Variants in ATP2A2 observed in about 807,000 individuals in gnomAD.
ATP2A2 encodes ATPase sarcoplasmic/endoplasmic reticulum Ca2+ transporting 2.
A neutral mutation model predicts 109.3 loss-of-function variants in ATP2A2; 14 were observed. The observed-to-expected ratio is 0.13, with a 90% CI of 0.08 to 0.20. The LOEUF (loss-of-function observed/expected upper bound fraction) is 0.20, where lower values mean the gene tolerates loss of function less well. Ranked by LOEUF, ATP2A2 falls within the 10% of genes least tolerant of loss-of-function variation. The pLI is 1.00. For synonymous variants in ATP2A2, 506 were observed against 490.9 expected (o/e 1.03, Z -0.41); for missense variants, 657 against 1,321.6 (o/e 0.50, Z 7.80).
At position 110,340,513 on chromosome 12, in the gene ATP2A2, G is replaced by A. The variant is rs931797784; in HGVS notation, c.1762-146G>A. 1.1e-6 allele frequency: 1 copy of A among 899,008 alleles called. No homozygotes were observed. The highest frequency in any genetic ancestry group is 1.7e-5 in the African/African-American group (1 of 59,278). 55.7% of individuals were successfully genotyped at this position (899,008 alleles called of 1,614,324 possible). A position where few individuals can be genotyped will look rare whatever the true frequency, so the allele number is the denominator to read the frequency against. On this transcript the variant is annotated intron_variant, in intron 13 of 19. Coordinates refer to ENST00000539276, the MANE Select transcript of ATP2A2 (RefSeq NM_170665.4). The surrounding 1 kb of genome is among the most constrained non-coding windows in gnomAD (Gnocchi z 6.0). The stretch of plus-strand genomic sequence containing the variant: ...AGATTGCGCCATGGCACTCCAGCCT[G>A]GGCAACAAGAGCGAAACTCCGCCTC...
intron 10 of ATP2A2, 105 bp from the exon 11 acceptor site, chr12:110,333,901 CAGTGTT>C (rs1370886440): frequency 6.9e-7 from 1 of 1,446,254 alleles, no homozygotes; most frequent in Non-Finnish European, 9.6e-7. Flanking sequence ...AATGGCCTTA[CAGTGTT>C]GTAATAGAGG....
intron 5 of ATP2A2, among the ~76,000 whole-genome samples, chr12:110,302,285 TCCCTGGC>T (rs1874742977): frequency 6.6e-6 from 1 of 152,080 alleles, no homozygotes; most frequent in Admixed American, 6.6e-5. Context: ...GTTCCCCTCT[TCCCTGGC>T]CCCTGGCAAC....
intron 5 of ATP2A2, among the ~76,000 whole-genome samples, chr12:110,317,640 A>G (rs1876810047): frequency 6.6e-6 from 1 of 152,192 alleles, no homozygotes; most frequent in African/African-American, 2.4e-5. Flanking sequence ...GGCCTCCCAA[A>G]GTGCTGGGAT....
At chr12:110,294,236 G>C (rs1294779290) in intron 4 of ATP2A2, among the ~76,000 whole-genome samples, 1 of 151,950 alleles carries the variant, frequency 6.6e-6, no homozygotes, top group Non-Finnish European at 1.5e-5. Context: ...ATAGAGACGG[G>C]GTTTCACCGT....
chr12:110,336,592 G>C (rs1015564555), intron 11 of ATP2A2, among the ~76,000 whole-genome samples: 2 of 152,154 alleles, frequency 1.3e-5, no homozygotes, highest in African/African-American at 4.8e-5. Context: ...CCTGCAGTTA[G>C]GGACACCTAG....
intron 11 of ATP2A2, among the ~76,000 whole-genome samples, chr12:110,336,766 T>C (rs777980149): frequency 7.2e-5 from 11 of 152,190 alleles, no homozygotes; most frequent in Non-Finnish European, 1.5e-4. Flanking sequence ...CAAATAGCAG[T>C]CTCAAAGCCA....
chr12:110,333,910 A>C, intron 10 of ATP2A2, 102 bp from the exon 11 acceptor site: 1 of 1,519,260 alleles, frequency 6.6e-7, no homozygotes, highest in African/African-American at 1.4e-5. Context: ...ACAGTGTTGT[A>C]ATAGAGGACA....
At chr12:110,290,294 C>G (rs138353885) in intron 3 of ATP2A2, among the ~76,000 whole-genome samples, 3,126 of 152,252 alleles carry the variant, frequency 0.021, 115 homozygotes, top group African/African-American at 0.071. Context: ...CTTGGCCTCC[C>G]AAAGTGCCGG....
chr12:110,346,724 A>G lies in ATP2A2; in HGVS notation c.*254A>G. 3 of 1,352,610 alleles carry G rather than the reference A, an allele frequency of 2.2e-6. No homozygotes were observed. Among genetic ancestry groups the G allele is most frequent in the Non-Finnish European group, 2.9e-6 (3 of 1,050,564 alleles). 83.8% of individuals were successfully genotyped at this position (1,352,610 alleles called of 1,614,324 possible). A position where few individuals can be genotyped will look rare whatever the true frequency, so the allele number is the denominator to read the frequency against. On this transcript the variant is annotated 3_prime_UTR_variant, in exon 20 of 20. Coordinates refer to ENST00000539276, the MANE Select transcript of ATP2A2 (RefSeq NM_170665.4). ...TATGCAAATATTTTTTTGTAGATGAAAAAGCATGTACAGTGTTCTGTTTAA... is the reference window on the plus strand; with the variant it reads ...TATGCAAATATTTTTTTGTAGATGAGAAAGCATGTACAGTGTTCTGTTTAA...
intron 4 of ATP2A2, chr12:110,296,310 T>C (rs1873954856): frequency 1.3e-5 from 5 of 398,030 alleles, no homozygotes; most frequent in South Asian, 1.1e-4. Flanking sequence ...GGGATTTGGC[T>C]AAAGGTGAAA....
At chr12:110,283,340 C>T (rs1872342797) in intron 3 of ATP2A2, among the ~76,000 whole-genome samples, 1 of 152,038 alleles carries the variant, frequency 6.6e-6, no homozygotes. Context: ...TAAATTGGAC[C>T]CCTGTCTTAA....
intron 5 of ATP2A2, among the ~76,000 whole-genome samples, chr12:110,306,026 ATATTTATT>A (rs1376860302): frequency 1.3e-5 from 2 of 151,680 alleles, no homozygotes; most frequent in Non-Finnish European, 2.9e-5. Flanking sequence ...CCTATTGGTG[ATATTTATT>A]TATTTATTTA....
At chr12:110,324,122 A>G (rs1315062698) in intron 6 of ATP2A2, among the ~76,000 whole-genome samples, 1 of 152,236 alleles carries the variant, frequency 6.6e-6, no homozygotes, top group African/African-American at 2.4e-5. Context: ...TAAGTTTGTC[A>G]GAAGAATTAA....
At chr12:110,319,218 A>G (rs1331142585) in intron 5 of ATP2A2, among the ~76,000 whole-genome samples, 5 of 143,298 alleles carry the variant, frequency 3.5e-5, no homozygotes, top group Non-Finnish European at 6.0e-5. Context: ...GTAAGAATAA[A>G]AAATGAAAAA....
chr12:110,282,032 G>A lies in ATP2A2; in HGVS notation c.118+125G>A, dbSNP rs113749949. 266 of 695,806 alleles carry A rather than the reference G, an allele frequency of 3.8e-4. 1 individual carries two copies. The Middle Eastern group carries it at 6.1e-3, about 16-fold the overall frequency. 43.1% of individuals were successfully genotyped at this position (695,806 alleles called of 1,614,324 possible). A position where few individuals can be genotyped will look rare whatever the true frequency, so the allele number is the denominator to read the frequency against. ...GCCGACAGCTGCGGGCGGAGGGTCG[G>A]GCCAGCGCGCCGGCCCCGCGGGAGA... On this transcript the variant is annotated intron_variant, in intron 1 of 19. Coordinates refer to ENST00000539276, the MANE Select transcript of ATP2A2 (RefSeq NM_170665.4).
At position 110,343,205 on chromosome 12, in the gene ATP2A2, T is replaced by G. The variant is rs1034784843; in HGVS notation, c.2319-27T>G. 3 of 1,609,608 alleles carry G rather than the reference T, an allele frequency of 1.9e-6. No homozygotes were observed. In the African/African-American group the frequency reaches 4.0e-5, roughly 22 times the overall value. ...TGGCCAGAAGTCATTTGGGCTCTCT[T>G]TGTCTTCTTTTCTTGATTGGAAACA... On this transcript the variant is annotated intron_variant, in intron 15 of 19. Coordinates refer to ENST00000539276, the MANE Select transcript of ATP2A2 (RefSeq NM_170665.4).
At chr12:110,334,307 T>A (rs1352502006) in intron 11 of ATP2A2, 164 bp downstream of exon 11, 1 of 910,114 alleles carries the variant, frequency 1.1e-6, no homozygotes, top group Non-Finnish European at 1.7e-6. Context: ...ATGCTCTTCC[T>A]GTGTATTTGA....
At position 110,346,381 on chromosome 12, in the gene ATP2A2, A is replaced by G. The variant is rs758283050; in HGVS notation, c.3040A>G (p.Ile1014Val). 7.4e-6 allele frequency: 12 copies of G among 1,614,068 alleles called. No individual in the cohort carries two copies. Among genetic ancestry groups the G allele is most frequent in the Non-Finnish European group, 9.3e-6 (11 of 1,180,022 alleles). ...SCSFSACTDG[I>V]SWPFVLLIMP... ...CTCGTTCTCGGCATGCACCGATGGGATTTCCTGGCCGTTTGTGCTGCTCAT... is the reference window on the plus strand; with the variant it reads ...CTCGTTCTCGGCATGCACCGATGGGGTTTCCTGGCCGTTTGTGCTGCTCAT... The change falls in exon 20 of 20, where the codon ATT becomes GTT. Residue 1014 changes from isoleucine to valine, a missense_variant. Ile to Val is a conservative substitution (Grantham distance 29). Around this residue, in one of 9 missense-constraint regions of ATP2A2, gnomAD observed 53 missense variants for 61.2 expected, o/e 0.87. Coordinates refer to ENST00000539276, the MANE Select transcript of ATP2A2 (RefSeq NM_170665.4).
At position 110,347,381 on chromosome 12, in the gene ATP2A2, CT is replaced by C; in HGVS notation, c.*914del. 1 of 1,289,174 alleles carries C rather than the reference CT, an allele frequency of 7.8e-7. No homozygotes were observed. Among genetic ancestry groups the C allele is most frequent in the Non-Finnish European group, 1.0e-6 (1 of 988,696 alleles). 79.9% of individuals were successfully genotyped at this position (1,289,174 alleles called of 1,614,324 possible). ...ACCTGGGACTAACAGACATGTCCAACTTTCTCTCCAGTTCTTAGCTCAGAAC... is the reference window on the plus strand; with the variant it reads ...ACCTGGGACTAACAGACATGTCCAACTTCTCTCCAGTTCTTAGCTCAGAAC... On this transcript the variant is annotated 3_prime_UTR_variant, in exon 20 of 20. Coordinates refer to ENST00000539276, the MANE Select transcript of ATP2A2 (RefSeq NM_170665.4).
Sources: gnomAD v4.1 joint callset for allele counts (sites outside exome capture counted in the v4.1 genomes callset) on GRCh38, gnomAD v4.1.1 for gene constraint, gnomAD v4.1.1 regional missense constraint, Gnocchi (gnomAD v3.1) non-coding constraint, MANE v1.5 for transcripts, NCBI Gene and HGNC (gene_info 2026-07-23, HGNC 2026-07-21) for gene names.